The following CMIP variants were observed in gnomAD, a reference collection of about 807,000 sequenced individuals.
The protein encoded by CMIP is c-Maf inducing protein.
CMIP carries 13 observed loss-of-function variants against 97.3 expected under a neutral mutation model. The ratio of observed to expected loss-of-function variants is 0.13; its 90% CI spans 0.09 to 0.21. CMIP has a LOEUF of 0.21. Ranked by LOEUF, CMIP falls within the 10% of genes least tolerant of loss-of-function variation. CMIP has a pLI of 1.00. For synonymous variants in CMIP, 538 were observed against 436.3 expected, an observed-to-expected ratio of 1.23 and a Z score of -2.91; for missense variants, 847 against 1,024.9, an observed-to-expected ratio of 0.83 and a Z score of 2.37.
Position 81,684,782 on chromosome 16 carries a change from C to T in CMIP, c.1388+6154C>T, listed in dbSNP as rs552468418. 1.2e-4 allele frequency among the ~76,000 whole-genome samples: 19 copies of T among 152,332 alleles called. No homozygotes were observed. The East Asian group carries it at 3.3e-3, about 26-fold the overall frequency. On this transcript the variant is annotated intron_variant, in intron 10 of 20. Coordinates refer to ENST00000537098, the MANE Select transcript of CMIP (RefSeq NM_198390.3). Reference sequence around the variant, plus strand: ...TGCATCAGGCACCTGCCTGCTTGTCCGTCCCCTCCGTCCAAGCTGGGAAGG... The same window carrying T: ...TGCATCAGGCACCTGCCTGCTTGTCTGTCCCCTCCGTCCAAGCTGGGAAGG...
chr16:81,500,672 A>G (rs1179081347), intron 1 of CMIP, among the ~76,000 whole-genome samples: 2 of 151,774 alleles, frequency 1.3e-5, no homozygotes, highest in Non-Finnish European at 2.9e-5. Context: ...TATTTTTAGT[A>G]GAGACTGGGT....
intron 1 of CMIP, among the ~76,000 whole-genome samples, chr16:81,530,360 G>T (rs756086372): frequency 6.6e-6 from 1 of 152,182 alleles, no homozygotes; most frequent in Non-Finnish European, 1.5e-5. Context: ...CCTAGGTGCA[G>T]TTCCTGTTCC....
At chr16:81,475,580 A>G (rs1432973643) in intron 1 of CMIP, among the ~76,000 whole-genome samples, 1 of 152,192 alleles carries the variant, frequency 6.6e-6, no homozygotes, top group Non-Finnish European at 1.5e-5. Flanking sequence ...GGAACAAAAC[A>G]TGGAACCCAA....
chr16:81,565,565 G>A (rs1223770924), intron 1 of CMIP, among the ~76,000 whole-genome samples: 1 of 152,164 alleles, frequency 6.6e-6, no homozygotes, highest in African/African-American at 2.4e-5. Context: ...ATATCGGTGG[G>A]CTCAGGCAGA....
chr16:81,512,983 C>T (rs1459675145), intron 1 of CMIP, among the ~76,000 whole-genome samples: 1 of 152,206 alleles, frequency 6.6e-6, no homozygotes, highest in Non-Finnish European at 1.5e-5. Flanking sequence ...GCAATCCGCC[C>T]TCCTCAGCGT....
intron 1 of CMIP, among the ~76,000 whole-genome samples, chr16:81,514,776 A>T (rs912056797): frequency 1.3e-5 from 2 of 152,118 alleles, no homozygotes; most frequent in Admixed American, 1.3e-4. Context: ...CCTGCTTCCC[A>T]GGGTGGTTGT....
chr16:81,512,549 T>G (rs1477511139), intron 1 of CMIP, among the ~76,000 whole-genome samples: 1 of 152,184 alleles, frequency 6.6e-6, no homozygotes, highest in East Asian at 1.9e-4. Flanking sequence ...ATGTTTAGTG[T>G]GTACAGGAAA....
chr16:81,562,631 C>T (rs928058761), intron 1 of CMIP, among the ~76,000 whole-genome samples: 2 of 152,212 alleles, frequency 1.3e-5, no homozygotes, highest in African/African-American at 4.8e-5. Context: ...TGGCGGATGG[C>T]CCCAGATGGG....
At chr16:81,575,699 A>G (rs1465755597) in intron 1 of CMIP, among the ~76,000 whole-genome samples, 2 of 152,198 alleles carry the variant, frequency 1.3e-5, no homozygotes, top group Non-Finnish European at 2.9e-5. Flanking sequence ...AGACACCAGC[A>G]TGTAAACGTT....
rs74693657 is a variant in CMIP at position 81,538,582 on chromosome 16, T to G, written c.301-68985T>G. Among the ~76,000 whole-genome samples the G allele has an allele frequency of 5.8e-4, 89 of 152,326 alleles. No homozygotes were observed. In the East Asian group the frequency reaches 0.017, roughly 28 times the overall value. On this transcript the variant is annotated intron_variant, in intron 1 of 20. Transcript: ENST00000537098. ...ATAGGAAGTTGATTTGATTACCATTTTATAAGATTTTCTTGGTCTGGTCTT... is the reference window on the plus strand; with the variant it reads ...ATAGGAAGTTGATTTGATTACCATTGTATAAGATTTTCTTGGTCTGGTCTT...
intron 1 of CMIP, among the ~76,000 whole-genome samples, chr16:81,512,104 A>C (rs2089823582): frequency 6.6e-6 from 1 of 152,148 alleles, no homozygotes; most frequent in African/African-American, 2.4e-5. Context: ...CATTGATTTC[A>C]CCTGTTTTAC....
At chr16:81,603,555 C>T (rs752037876) in intron 1 of CMIP, 69 of 421,566 alleles carry the variant, frequency 1.6e-4, no homozygotes, top group Non-Finnish European at 3.0e-4. Context: ...TACATGATTG[C>T]CGAAGTCCAC....
At chr16:81,600,399 T>C (rs1159139642) in intron 1 of CMIP, among the ~76,000 whole-genome samples, 1 of 151,882 alleles carries the variant, frequency 6.6e-6, no homozygotes, top group Non-Finnish European at 1.5e-5. Flanking sequence ...TACAATGGAA[T>C]GTCAGTCAGC....
chr16:81,541,461 G>A (rs566005982), intron 1 of CMIP, among the ~76,000 whole-genome samples: 1 of 152,262 alleles, frequency 6.6e-6, no homozygotes, highest in South Asian at 2.1e-4. Flanking sequence ...GCCCCTGATC[G>A]GTGCCCCAGG....
At chr16:81,493,933 G>A (rs561945188) in intron 1 of CMIP, among the ~76,000 whole-genome samples, 2 of 152,326 alleles carry the variant, frequency 1.3e-5, no homozygotes, top group South Asian at 4.1e-4. Flanking sequence ...GTACACTGGT[G>A]CTTCTCAGGA....
At chr16:81,537,139 C>T (rs954921805) in intron 1 of CMIP, among the ~76,000 whole-genome samples, 3 of 152,192 alleles carry the variant, frequency 2.0e-5, no homozygotes, top group East Asian at 3.9e-4. Context: ...AGACTCAGAG[C>T]AGGGTCCCCC....
At chr16:81,484,398 G>T (rs1297929144) in intron 1 of CMIP, among the ~76,000 whole-genome samples, 1 of 152,204 alleles carries the variant, frequency 6.6e-6, no homozygotes, top group African/African-American at 2.4e-5. Context: ...TGGCTGCCAT[G>T]GCAACCCGTC....
At chr16:81,503,004 C>G (rs1427814480) in intron 1 of CMIP, among the ~76,000 whole-genome samples, 1 of 151,504 alleles carries the variant, frequency 6.6e-6, no homozygotes, top group Non-Finnish European at 1.5e-5. Context: ...TGTGGCTTTC[C>G]CAGGCAGTCT....
chr16:81,486,422 T>C (rs2089314893), intron 1 of CMIP, among the ~76,000 whole-genome samples: 1 of 152,208 alleles, frequency 6.6e-6, no homozygotes, highest in Admixed American at 6.5e-5. Flanking sequence ...TGGGTTTCTT[T>C]TCTAATTCAC....
Sources: gnomAD v4.1 joint callset for allele counts (sites outside exome capture counted in the v4.1 genomes callset) on GRCh38, gnomAD v4.1.1 for gene constraint, MANE v1.5 for transcripts, NCBI Gene and HGNC (gene_info 2026-07-23, HGNC 2026-07-21) for gene names.